The following SH3TC2 variants were observed in gnomAD, a reference collection of about 807,000 sequenced individuals.
SH3TC2 encodes the protein SH3 domain and tetratricopeptide repeats 2.
Under a neutral mutation model 124.5 loss-of-function variants are expected in SH3TC2, and 87 were observed. The observed-to-expected ratio is 0.70, with a 90% CI of 0.59 to 0.84. SH3TC2 has a LOEUF of 0.84. Among genes scored for constraint, SH3TC2 ranks in the 40% least tolerant of loss-of-function variants. The pLI is 0.00. For synonymous variants in SH3TC2, 634 were observed against 628.5 expected, an observed-to-expected ratio of 1.01 and a Z score of -0.13; for missense variants, 1,536 against 1,566.4, an observed-to-expected ratio of 0.98 and a Z score of 0.33.
At chr5:149,037,418 C>G (rs984855167) in intron 8 of SH3TC2, among the ~76,000 whole-genome samples, 1 of 152,150 alleles carries the variant, frequency 6.6e-6, no homozygotes. Flanking sequence ...AACCTTCTGT[C>G]TCCTCCTCTC....
intron 1 of SH3TC2, among the ~76,000 whole-genome samples, chr5:149,059,984 G>A (rs1754717492): frequency 6.6e-6 from 1 of 152,168 alleles, no homozygotes; most frequent in African/African-American, 2.4e-5. Context: ...AGTTTTAAAT[G>A]CTTTACAAGT....
At chr5:149,013,651 C>A (rs541664361) in intron 12 of SH3TC2, among the ~76,000 whole-genome samples, 1 of 152,140 alleles carries the variant, frequency 6.6e-6, no homozygotes, top group East Asian at 1.9e-4. Context: ...TAATGGGGTG[C>A]CCTTTAATTA....
chr5:149,037,762 G>C (rs1754306860), intron 8 of SH3TC2, among the ~76,000 whole-genome samples: 1 of 152,108 alleles, frequency 6.6e-6, no homozygotes, highest in African/African-American at 2.4e-5. Context: ...CAGGCAGATG[G>C]GTCTGCTCCT....
chr5:149,050,094 C>T (rs1037008678), intron 2 of SH3TC2, among the ~76,000 whole-genome samples: 18 of 152,172 alleles, frequency 1.2e-4, no homozygotes, highest in African/African-American at 4.1e-4. Flanking sequence ...AATCTCCTTA[C>T]CATGCACATG....
chr5:149,041,503 G>A lies in SH3TC2; in HGVS notation c.644C>T (p.Ser215Phe), dbSNP rs1371269077. The change falls in exon 6 of 17, where the codon TCC becomes TTC. Residue 215 changes from serine (S) to phenylalanine (F), a missense_variant. By Grantham distance (155) the Ser-to-Phe change is radical (BLOSUM62 -2). Around this residue, in one of 3 missense-constraint regions of SH3TC2, gnomAD observed 1,102 missense variants for 1,098.6 expected, o/e 1.00. Transcript: ENST00000515425. ...LISVKMAEAG[S>F]ELEGVSLVTG... ...CACCAAAGACACGCCTTCCAACTCG[G>A]AGCCAGCTTCTGCCATCTTCACTGA... is the stretch of plus-strand genomic sequence containing the variant. The A allele has an allele frequency of 6.2e-7, 1 of 1,614,042 alleles. No homozygotes were observed. Among genetic ancestry groups the A allele is most frequent in the African/African-American group, 1.3e-5 (1 of 74,918 alleles).
At chr5:149,042,978 C>T in intron 4 of SH3TC2, 141 bp from the exon 5 acceptor site, 2 of 938,180 alleles carry the variant, frequency 2.1e-6, no homozygotes, top group Non-Finnish European at 3.3e-6. Context: ...ATTAAAACAA[C>T]ATAAGAGGCA....
intron 7 of SH3TC2, 83 bp from the exon 8 acceptor site, chr5:149,038,573 G>A (rs1754321814): frequency 7.0e-7 from 1 of 1,419,084 alleles, no homozygotes; most frequent in Non-Finnish European, 9.9e-7. Flanking sequence ...TAGAAAATGA[G>A]GGGTTCCCAG....
chr5:149,024,111 A>G (rs1428941926), intron 12 of SH3TC2, among the ~76,000 whole-genome samples: 2 of 152,128 alleles, frequency 1.3e-5, no homozygotes, highest in East Asian at 3.9e-4. Context: ...AAAGACCAAA[A>G]AGCCTGCCTC....
In SH3TC2 at chr5:149,040,658, GATA is replaced by G. The variant is rs1064795016; in HGVS notation, c.748_750del (p.Tyr250del). 6.2e-7 allele frequency: 1 copy of G among 1,614,132 alleles called. No homozygotes were observed. The highest frequency in any genetic ancestry group is 8.5e-7 in the Non-Finnish European group (1 of 1,180,018). On this transcript the variant is annotated inframe_deletion, in exon 7 of 17. Transcript: ENST00000515425. ...TTCCTGGAAAGGCCACAGCTTCCTGGATAATTCTTTAGGAACCACCTGCCAATG... is the reference window on the plus strand; with the variant it reads ...TTCCTGGAAAGGCCACAGCTTCCTGGATTCTTTAGGAACCACCTGCCAATG...
chr5:149,007,188 G>A, intron 15 of SH3TC2, 111 bp from the exon 16 acceptor site: 1 of 976,554 alleles, frequency 1.0e-6, no homozygotes, highest in Non-Finnish European at 1.6e-6. Flanking sequence ...CAGGGACTGT[G>A]CTGGGGCATA....
Position 148,993,174 on chromosome 5 carries a change from C to T in SH3TC2, c.*11537G>A, listed in dbSNP as rs929199559. 1.3e-5 allele frequency among the ~76,000 whole-genome samples: 2 copies of T among 152,140 alleles called. No individual in the cohort carries two copies. The highest frequency in any genetic ancestry group is 1.5e-5 in the Non-Finnish European group (1 of 68,034). ...TAAAACTGACAACAGCTAACCTACA[C>T]AAAGAATGTGTTAATGAGCAAACAT... is the stretch of plus-strand genomic sequence containing the variant. On this transcript the variant is annotated 3_prime_UTR_variant, in exon 17 of 17. Transcript: ENST00000515425.
At chr5:149,016,732 T>C (rs1363601246) in intron 12 of SH3TC2, among the ~76,000 whole-genome samples, 2 of 152,050 alleles carry the variant, frequency 1.3e-5, no homozygotes, top group Non-Finnish European at 1.5e-5. Flanking sequence ...GAGACCATCC[T>C]GGCTAACACG....
At chr5:149,012,157 A>G (rs1193299469) in intron 13 of SH3TC2, among the ~76,000 whole-genome samples, 3 of 152,198 alleles carry the variant, frequency 2.0e-5, no homozygotes, top group Non-Finnish European at 4.4e-5. Flanking sequence ...CATCTCTGAT[A>G]TTAAAAGTAT....
intron 9 of SH3TC2, among the ~76,000 whole-genome samples, chr5:149,030,290 T>C (rs953089486): frequency 2.0e-5 from 3 of 152,214 alleles, no homozygotes; most frequent in East Asian, 3.9e-4. Context: ...ACCAACAAGA[T>C]GTTCTCCTGC....
chr5:149,044,607 G>C lies in SH3TC2; in HGVS notation c.311C>G (p.Ser104Cys), dbSNP rs1208141960. Residue 104 changes from serine (S) to cysteine (C), a missense_variant, in exon 4 of 17, where the codon TCT (serine) becomes TGT (cysteine). Transcript: ENST00000515425. ...GGTGATGAGAAACTGGGCCCTCTGAGACTGGATACTGACCAACCTTGCTGA... is the reference window on the plus strand; with the variant it reads ...GGTGATGAGAAACTGGGCCCTCTGACACTGGATACTGACCAACCTTGCTGA... ...DLSARLVSIQ[S>C]QRAQFLITFK... is the part of the protein sequence containing the mutation. The C allele has an allele frequency of 1.2e-6, 2 of 1,613,942 alleles. No individual in the cohort carries two copies. Among genetic ancestry groups the C allele is most frequent in the Non-Finnish European group, 8.5e-7 (1 of 1,179,994 alleles).
In SH3TC2 at chr5:149,031,729, C is replaced by T. The variant is rs765274534; in HGVS notation, c.1002-42G>A. On this transcript the variant is annotated intron_variant, in intron 8 of 16. Coordinates refer to ENST00000515425, the MANE Select transcript of SH3TC2 (RefSeq NM_024577.4). ...AACACAGAGACAGATTACTGCAAGG[C>T]TTCAGACTCCATCTCCTCTTCTCTC... is the stretch of plus-strand genomic sequence containing the variant. 9.3e-6 allele frequency: 15 copies of T among 1,612,172 alleles called. No homozygotes were observed. The Admixed American group carries it at 2.2e-4, about 23-fold the overall frequency.
chr5:149,045,883 G>A (rs1308318721), intron 3 of SH3TC2: 16 of 311,394 alleles, frequency 5.1e-5, no homozygotes, highest in Non-Finnish European at 8.3e-5. Flanking sequence ...TTGACCTCAT[G>A]ATCCACCCAC....
intron 5 of SH3TC2, among the ~76,000 whole-genome samples, chr5:149,042,450 G>A (rs1754387355): frequency 6.6e-6 from 1 of 152,128 alleles, no homozygotes; most frequent in Non-Finnish European, 1.5e-5. Flanking sequence ...CCTGGCTTGG[G>A]TATCTTAGTA....
rs958312779 is a variant in SH3TC2 at position 148,990,297 on chromosome 5, C to A, written c.*14414G>T. ...TCCTCTTTAGAAGTACAGATATATG[C>A]CTCTCTGAGCCTTAGTTTCCTTAGT... On this transcript the variant is annotated 3_prime_UTR_variant, in exon 17 of 17. Coordinates refer to ENST00000515425, the MANE Select transcript of SH3TC2 (RefSeq NM_024577.4). Among the ~76,000 whole-genome samples, 6 of 151,564 alleles carry A rather than the reference C, an allele frequency of 4.0e-5. No individual in the cohort carries two copies. Among genetic ancestry groups the A allele is most frequent in the African/African-American group, 1.5e-4 (6 of 40,916 alleles).
Sources: allele counts gnomAD v4.1 joint callset (sites outside exome capture counted in the v4.1 genomes callset), GRCh38; gene constraint gnomAD v4.1.1; regional missense constraint gnomAD v4.1.1; transcripts MANE v1.5; gene names NCBI Gene and HGNC (gene_info 2026-07-23, HGNC 2026-07-21).